The following SFSWAP variants were observed in gnomAD, a reference collection of about 807,000 sequenced individuals.
The protein encoded by SFSWAP is splicing factor SWAP, also known as splicing factor, suppressor of white-apricot homolog.
A neutral mutation model predicts 100.7 loss-of-function variants in SFSWAP; 17 were observed. The ratio of observed to expected loss-of-function variants is 0.17; its 90% confidence interval spans 0.12 to 0.25. The LOEUF (loss-of-function observed/expected upper bound fraction) is 0.25. Among genes scored for constraint, SFSWAP ranks in the 10% least tolerant of loss-of-function variants. SFSWAP has a pLI of 1.00. For synonymous variants in SFSWAP, 504 were observed against 510.1 expected (o/e 0.99, Z 0.16); for missense variants, 1,005 against 1,262.6 (o/e 0.80, Z 3.09).
chr12:131,769,333 T>G (rs1199169607), intron 13 of SFSWAP, among the ~76,000 whole-genome samples: 1 of 152,190 alleles, frequency 6.6e-6, no homozygotes, highest in African/African-American at 2.4e-5. Context: ...GTAAGGGACC[T>G]GTTACAGTGG....
At chr12:131,724,900 G>A (rs1385153933) in intron 4 of SFSWAP, among the ~76,000 whole-genome samples, 2 of 152,176 alleles carry the variant, frequency 1.3e-5, no homozygotes, top group African/African-American at 4.8e-5. Context: ...GAAAAGACAT[G>A]GCGTACTCTT....
intron 11 of SFSWAP, among the ~76,000 whole-genome samples, chr12:131,762,006 G>A (rs1006924737): frequency 1.3e-5 from 2 of 152,170 alleles, no homozygotes; most frequent in African/African-American, 4.8e-5. Context: ...GCCGGACAAG[G>A]TGGATCACCT....
At chr12:131,719,680 A>G in intron 4 of SFSWAP, 141 bp downstream of exon 4, 1 of 670,196 alleles carries the variant, frequency 1.5e-6, no homozygotes, top group South Asian at 1.9e-5. Context: ...AATGGAGAAA[A>G]AGATCACACC....
chr12:131,753,073 G>A, intron 7 of SFSWAP, 50 bp from the exon 8 acceptor site: 1 of 1,604,858 alleles, frequency 6.2e-7, no homozygotes. Context: ...TGGACTCATG[G>A]ACCAGCCTGT....
chr12:131,711,552 C>A lies in SFSWAP; in HGVS notation c.218+105C>A. 1 of 978,460 alleles carries A rather than the reference C, an allele frequency of 1.0e-6. No individual in the cohort carries two copies. The allele number at this position is 978,460 out of a possible 1,614,324, so 60.6% of individuals were successfully genotyped here. ...ACTGCAGAGAGTTTTCTGGAGCCAG[C>A]GGGGATCTGGGGGACACCCCCTCCC... On this transcript the variant is annotated intron_variant, in intron 1 of 17. Transcript: ENST00000261674. The surrounding 1 kb of genome is among the most constrained non-coding windows in gnomAD (Gnocchi z 4.9).
intron 3 of SFSWAP, 61 bp from the exon 4 acceptor site, chr12:131,719,393 C>A: frequency 1.2e-5 from 15 of 1,211,166 alleles, no homozygotes; most frequent in Non-Finnish European, 1.8e-5. Context: ...TTGCTGCCTG[C>A]TGTTAGCAGG....
At chr12:131,748,851 T>G (rs988918369) in intron 7 of SFSWAP, among the ~76,000 whole-genome samples, 3 of 152,218 alleles carry the variant, frequency 2.0e-5, no homozygotes, top group Non-Finnish European at 4.4e-5. Context: ...TGGATTTATT[T>G]GGAGTAGGCT....
At chr12:131,715,039 C>T in intron 3 of SFSWAP, 86 bp downstream of exon 3, 1 of 1,374,748 alleles carries the variant, frequency 7.3e-7, no homozygotes, top group Non-Finnish European at 1.0e-6. Context: ...CTGCAGAACA[C>T]ATCTCTGGCA....
chr12:131,737,462 T>G (rs2136202508), intron 7 of SFSWAP, among the ~76,000 whole-genome samples: 1 of 152,358 alleles, frequency 6.6e-6, no homozygotes, highest in East Asian at 1.9e-4. Context: ...GTACTTATTT[T>G]GAGACTAAAC....
At chr12:131,728,150 C>T in intron 6 of SFSWAP, 143 bp from the exon 7 acceptor site, 1 of 877,580 alleles carries the variant, frequency 1.1e-6, no homozygotes, top group Non-Finnish European at 1.8e-6. Flanking sequence ...GGCCACAACT[C>T]GTTAGGACCT....
chr12:131,737,076 C>T (rs564933137), intron 7 of SFSWAP, among the ~76,000 whole-genome samples: 1 of 152,274 alleles, frequency 6.6e-6, no homozygotes, highest in South Asian at 2.1e-4. Context: ...ACTGAGGCGA[C>T]GCACATCCTC....
intron 13 of SFSWAP, among the ~76,000 whole-genome samples, chr12:131,770,574 C>A (rs1883507376): frequency 6.6e-6 from 1 of 152,158 alleles, no homozygotes; most frequent in Non-Finnish European, 1.5e-5. Context: ...AGTTCCAATG[C>A]TAGAGAAAGG....
rs761878158 is a variant in SFSWAP, at chr12:131,714,077, T to C, written c.225T>C (p.Asp75=). The change falls in exon 2 of 18, where the codon GAT becomes GAC. Residue 75 remains aspartate, a synonymous_variant. Transcript: ENST00000261674. This position sits in a 1 kb window ranked among gnomAD's most constrained non-coding sequence, Gnocchi z 6.0. ...GDHKILIDRY[D]GRGHLHDLSE... ...CAGCTTGTTCACATTACAGATATGA[T>C]GGACGTGGTCACCTGCATGACCTTT... is the stretch of plus-strand genomic sequence containing the variant. 1.2e-6 allele frequency: 2 copies of C among 1,613,116 alleles called. No homozygotes were observed. Among genetic ancestry groups the C allele is most frequent in the Non-Finnish European group, 1.7e-6 (2 of 1,179,666 alleles).
rs770283875 is a variant in SFSWAP at position 131,766,131 on chromosome 12, G to A, written c.1965G>A (p.Leu655=). The change falls in exon 13 of 18, where the codon CTG becomes CTA. Residue 655 remains leucine (L), a synonymous_variant. Transcript: ENST00000261674. ...ELEAKQAKQK[L]EDRLAAAARE... is the part of the protein sequence containing the mutation. ...TTATTCCTTAAGCAAAGCAAAAGCT[G>A]GAAGATCGCCTCGCAGCTGCTGCCC... The A allele has an allele frequency of 4.9e-5, 79 of 1,610,886 alleles. 4 individuals are homozygous for A. The South Asian group carries it at 8.4e-4, about 17-fold the overall frequency.
At position 131,733,490 on chromosome 12, in the gene SFSWAP, C is replaced by T. The variant is rs1327219307; in HGVS notation, c.1081+5062C>T. ...AGCGACGCTGCCTGCACTGCCCCAC[C>T]GCTCAGAGGGCCACAGGAGCAGGGC... On this transcript the variant is annotated intron_variant, in intron 7 of 17. Transcript: ENST00000261674. The surrounding 1 kb of genome is among the most constrained non-coding windows in gnomAD (Gnocchi z 5.1). Among the ~76,000 whole-genome samples the T allele has an allele frequency of 6.6e-6, 1 of 152,064 alleles. No homozygotes were observed. The highest frequency in any genetic ancestry group is 2.4e-5 in the African/African-American group (1 of 41,428).
chr12:131,793,508 A>G (rs1046829102), intron 15 of SFSWAP, among the ~76,000 whole-genome samples: 1 of 152,192 alleles, frequency 6.6e-6, no homozygotes, highest in Admixed American at 6.5e-5. Context: ...AACTAGAACC[A>G]TTAAGCTTTT....
intron 14 of SFSWAP, among the ~76,000 whole-genome samples, chr12:131,779,525 A>G (rs1188956756): frequency 6.6e-6 from 1 of 152,230 alleles, no homozygotes; most frequent in African/African-American, 2.4e-5. Context: ...AGGTTGGCAC[A>G]GCTTGCCCTG....
At chr12:131,729,898 C>G (rs938782772) in intron 7 of SFSWAP, among the ~76,000 whole-genome samples, 1 of 152,186 alleles carries the variant, frequency 6.6e-6, no homozygotes, top group African/African-American at 2.4e-5. Context: ...TTTGCACTTC[C>G]CTTTTAGCAC....
intron 3 of SFSWAP, among the ~76,000 whole-genome samples, chr12:131,716,410 T>A (rs1439458431): frequency 6.6e-6 from 1 of 152,262 alleles, no homozygotes; most frequent in Non-Finnish European, 1.5e-5. Flanking sequence ...CCCATTTATT[T>A]ATCCAGAATA....
Sources: allele counts gnomAD v4.1 joint callset (sites outside exome capture counted in the v4.1 genomes callset), GRCh38; gene constraint gnomAD v4.1.1; non-coding constraint Gnocchi (gnomAD v3.1); transcripts MANE v1.5; gene names NCBI Gene and HGNC (gene_info 2026-07-23, HGNC 2026-07-21).